Variants in TSC2 observed in about 807,000 individuals in gnomAD.
TSC2 encodes TSC complex subunit 2.
TSC2 carries 29 observed loss-of-function variants against 202.2 expected under a neutral mutation model. That is an observed-to-expected ratio of 0.14 (90% CI 0.11 to 0.20). TSC2 has a LOEUF of 0.20. TSC2 is among the 10% of genes least tolerant of loss of function. The pLI, the probability that TSC2 is intolerant of heterozygous loss-of-function variation, is 1.00. For synonymous variants in TSC2, 1,349 were observed against 1,044.0 expected (o/e 1.29, Z -5.63); for missense variants, 2,429 against 2,420.0 (o/e 1.00, Z -0.08).
Position 2,071,812 on chromosome 16 carries a change from A to T in TSC2, c.1975A>T (p.Thr659Ser), listed in dbSNP as rs1398495219. The T allele has an allele frequency of 6.3e-7, 1 of 1,594,796 alleles. No individual in the cohort carries two copies. The highest frequency in any genetic ancestry group is 2.3e-5 in the East Asian group (1 of 44,192). The change falls in exon 19 of 42, where the codon ACC (threonine) becomes TCC (serine). Residue 659 changes from threonine to serine, a missense_variant. Thr to Ser is a moderately conservative substitution (Grantham distance 58, BLOSUM62 1). Transcript: ENST00000219476. ...MEPERGSEKK[T>S]SGPLSPPTGP... ...GCCAGAGAGAGGCTCTGAGAAGAAG[A>T]CCAGCGGCCCCCTTTCTCCTCCCAC... is the stretch of plus-strand genomic sequence containing the variant.
rs544055911 is a variant in TSC2 at position 2,088,622 on chromosome 16, T to G, written c.*12T>G. ...CCGAGTTTGTGTGAGGCCGGGGCCC[T>G]CCCTCCTGCACTGGCCTTGGACGGT... On this transcript the variant is annotated 3_prime_UTR_variant, in exon 42 of 42. Transcript: ENST00000219476. 38 of 1,598,644 alleles carry G rather than the reference T, an allele frequency of 2.4e-5. No homozygotes were observed. In the African/African-American group the frequency reaches 2.9e-4, roughly 12 times the overall value.
intron 3 of TSC2, 105 bp from the exon 4 acceptor site, chr16:2,053,237 C>A: frequency 8.8e-7 from 1 of 1,133,160 alleles, no homozygotes; most frequent in Non-Finnish European, 1.3e-6. Context: ...CAGTCACAAG[C>A]CCCCGTTGTT....
In TSC2 at chr16:2,071,224, G is replaced by A. The variant is rs76994991; in HGVS notation, c.1840-286G>A. 1.3e-4 allele frequency among the ~76,000 whole-genome samples: 20 copies of A among 152,348 alleles called. No homozygotes were observed. The East Asian group carries it at 3.7e-3, about 28-fold the overall frequency. Reference sequence around the variant, plus strand: ...GTTGGGGGCGTGTGGTGCTGCCAGAGGAGCGAGGCGCCCATCCCTTCCATC... The same window carrying A: ...GTTGGGGGCGTGTGGTGCTGCCAGAAGAGCGAGGCGCCCATCCCTTCCATC... On this transcript the variant is annotated intron_variant, in intron 17 of 41. Transcript: ENST00000219476.
In TSC2 at chr16:2,088,710, G is replaced by GCAGT. The variant is rs1319785726; in HGVS notation, c.*104_*107dup. 38 of 1,447,866 alleles carry GCAGT rather than the reference G, an allele frequency of 2.6e-5. No homozygotes were observed. Among genetic ancestry groups the GCAGT allele is most frequent in the Non-Finnish European group, 3.3e-5 (35 of 1,075,664 alleles). The allele number at this position is 1,447,866 out of a possible 1,614,324, so 89.7% of individuals were successfully genotyped here. On this transcript the variant is annotated 3_prime_UTR_variant, in exon 42 of 42. Coordinates refer to ENST00000219476, the MANE Select transcript of TSC2 (RefSeq NM_000548.5). ...GTGCACAGACATAGAGGCACAGATT[G>GCAGT]CAGTCAGACAGCTCTTTTATTGACT...
At chr16:2,081,309 G>C in intron 30 of TSC2, 2 of 495,506 alleles carry the variant, frequency 4.0e-6, no homozygotes, top group Non-Finnish European at 3.7e-6. Flanking sequence ...GGTGCAAAGA[G>C]TAGGGGTTCC....
At position 2,081,644 on chromosome 16, in the gene TSC2, C is replaced by G; in HGVS notation, c.3660C>G (p.Ser1220=). 1 of 1,612,962 alleles carries G rather than the reference C, an allele frequency of 6.2e-7. No individual in the cohort carries two copies. Among genetic ancestry groups the G allele is most frequent in the African/African-American group, 1.3e-5 (1 of 75,070 alleles). ...MSLENPLSPF[S]SDINNMPLQE... is the part of the protein sequence containing the mutation. ...TGGAGAACCCGCTCAGCCCTTTCTC[C>G]TCGGACATCAACAACATGCCCCTGC... is the stretch of plus-strand genomic sequence containing the variant. The change falls in exon 31 of 42, where the codon TCC becomes TCG. Residue 1220 remains serine (S), a synonymous_variant. Transcript: ENST00000219476.
chr16:2,087,497 G>T lies in TSC2; in HGVS notation c.4990-366G>T, dbSNP rs1026519980. On this transcript the variant is annotated intron_variant, in intron 38 of 41. Coordinates refer to ENST00000219476, the MANE Select transcript of TSC2 (RefSeq NM_000548.5). ...CAAGACAACCAGTTGGGGGGGGGGGGGCACCTGGGCGGCTGAGGAGGGTGT... is the reference window on the plus strand; with the variant it reads ...CAAGACAACCAGTTGGGGGGGGGGGTGCACCTGGGCGGCTGAGGAGGGTGT... Among the ~76,000 whole-genome samples the T allele has an allele frequency of 2.0e-5, 3 of 147,386 alleles. No individual in the cohort carries two copies. In the South Asian group the frequency reaches 6.4e-4, roughly 31 times the overall value.
At position 2,062,488 on chromosome 16, in the gene TSC2, T is replaced by C. The variant is rs377188047; in HGVS notation, c.1258-9T>C. 6.2e-7 allele frequency: 1 copy of C among 1,606,214 alleles called. No homozygotes were observed. Among genetic ancestry groups the C allele is most frequent in the East Asian group, 2.2e-5 (1 of 44,794 alleles). ...GGCAGAGGGGCAACACCGGCTCTTC[T>C]TTTGACAGGAGTCCTCCCTCCTGAA... On this transcript the variant is annotated splice_polypyrimidine_tract_variant and intron_variant, in intron 12 of 41. Transcript: ENST00000219476.
intron 1 of TSC2, 63 bp from the exon 2 acceptor site, chr16:2,048,524 C>A (rs2084651376): frequency 5.0e-6 from 8 of 1,601,816 alleles, no homozygotes; most frequent in Non-Finnish European, 6.8e-6. Context: ...GCTGGAGGTC[C>A]GCAGTGGGGA....
rs137854074 is a variant in TSC2, at chr16:2,079,667, C to T, written c.3395C>T (p.Ser1132Leu). ...RGARDRVRSM[S>L]GGHGLRVGAL... ...GCCCGGGATCGGGTCCGTTCCATGT[C>T]GGGTGAGCCTTGGCCCCAGCCACCT... The change falls in exon 29 of 42, where the codon TCG becomes TTG. Residue 1132 changes from serine (S) to leucine (L), a missense_variant and splice_region_variant. Ser to Leu is a moderately radical substitution (Grantham distance 145, BLOSUM62 -2). Coordinates refer to ENST00000219476, the MANE Select transcript of TSC2 (RefSeq NM_000548.5). This position sits in a 1 kb window ranked among gnomAD's most constrained non-coding sequence, Gnocchi z 4.6. 1.3e-5 allele frequency: 21 copies of T among 1,587,764 alleles called. No homozygotes were observed. Among genetic ancestry groups the T allele is most frequent in the Middle Eastern group, 4.0e-4 (2 of 4,940 alleles).
Position 2,086,269 on chromosome 16 carries a change from G to A in TSC2, c.4739G>A (p.Arg1580Gln), listed in dbSNP as rs1371745883. ...RYTEFLTGLG[R>Q]LIELKDCQPD... ...ACGGAGTTCCTGACGGGCCTGGGCC[G>A]GCTCATCGAGCTGAAGGACTGCCAG... is the stretch of plus-strand genomic sequence containing the variant. Residue 1580 changes from arginine (R) to glutamine (Q), a missense_variant, in exon 37 of 42, where the codon CGG (arginine) becomes CAG (glutamine). Physicochemically the swap from Arg to Gln is conservative, Grantham distance 43. Coordinates refer to ENST00000219476, the MANE Select transcript of TSC2 (RefSeq NM_000548.5). 3.1e-6 allele frequency: 5 copies of A among 1,612,720 alleles called. No individual in the cohort carries two copies. The highest frequency in any genetic ancestry group is 4.2e-6 in the Non-Finnish European group (5 of 1,179,972).
chr16:2,065,684 G>T (rs780418515), intron 16 of TSC2, 49 bp downstream of exon 16: 3 of 1,499,286 alleles, frequency 2.0e-6, no homozygotes, highest in Admixed American at 3.3e-5. Context: ...CATGGCTAGC[G>T]TCCACCAGCT....
chr16:2,061,046 C>A, intron 11 of TSC2: 1 of 580,966 alleles, frequency 1.7e-6, no homozygotes, highest in Non-Finnish European at 3.0e-6. Context: ...GTAGGTGAGC[C>A]GGGGCTGGGC....
intron 23 of TSC2, 53 bp from the exon 24 acceptor site, chr16:2,076,005 CTTCATGCCCT>C: frequency 6.2e-7 from 1 of 1,613,130 alleles, no homozygotes; most frequent in East Asian, 2.2e-5. Context: ...GTTTTTTGCA[CTTCATGCCCT>C]GGGGATGTTT....
rs754451657 is a variant in TSC2 at position 2,074,302 on chromosome 16, A to C, written c.2458A>C (p.Ile820Leu). Residue 820 changes from isoleucine to leucine, a missense_variant, in exon 22 of 42, where the codon ATC (isoleucine) becomes CTC (leucine). Ile to Leu is a conservative substitution (Grantham distance 5, BLOSUM62 2). Coordinates refer to ENST00000219476, the MANE Select transcript of TSC2 (RefSeq NM_000548.5). ...ICSVEMPDII[I>L]KALPVLVVKL... ...CAGCGTGGAGATGCCTGACATCATCATCAAGGCGCTGCCTGTTCTGGTGGT... is the reference window on the plus strand; with the variant it reads ...CAGCGTGGAGATGCCTGACATCATCCTCAAGGCGCTGCCTGTTCTGGTGGT... The C allele has an allele frequency of 1.2e-6, 2 of 1,613,166 alleles. No individual in the cohort carries two copies. The highest frequency in any genetic ancestry group is 1.7e-5 in the Admixed American group (1 of 60,022).
In TSC2 at chr16:2,085,217, CTG is replaced by C. The variant is rs1236611728; in HGVS notation, c.4570-8_4570-7del. The C allele has an allele frequency of 1.9e-6, 3 of 1,612,560 alleles. No homozygotes were observed. Among genetic ancestry groups the C allele is most frequent in the Non-Finnish European group, 2.5e-6 (3 of 1,179,916 alleles). On this transcript the variant is annotated splice_polypyrimidine_tract_variant and intron_variant, in intron 35 of 41. Coordinates refer to ENST00000219476, the MANE Select transcript of TSC2 (RefSeq NM_000548.5). ...GGGCGTCTGGGGCTCAGGCAGGGCT[CTG>C]TGTGCCACAGTCACAGTCCTTTGAG...
intron 9 of TSC2, among the ~76,000 whole-genome samples, chr16:2,057,785 C>T (rs970671005): frequency 6.7e-6 from 1 of 150,034 alleles, no homozygotes; most frequent in East Asian, 2.0e-4. Flanking sequence ...AGCCCTGCAT[C>T]TCTCCCAGCC....
intron 16 of TSC2, 28 bp downstream of exon 16, chr16:2,065,663 C>T (rs371524563): frequency 1.3e-6 from 2 of 1,595,768 alleles, no homozygotes; most frequent in Non-Finnish European, 1.7e-6. Flanking sequence ...GGCCTCTGCT[C>T]CCGGGGCGCG....
chr16:2,068,859 A>G (rs2151252460), intron 16 of TSC2: 1 of 143,890 alleles, frequency 6.9e-6, no homozygotes, highest in Admixed American at 7.0e-5. Context: ...GGCGACAGAG[A>G]AAGACTCCGT....
Sources: allele counts gnomAD v4.1 joint callset (sites outside exome capture counted in the v4.1 genomes callset), GRCh38; gene constraint gnomAD v4.1.1; non-coding constraint Gnocchi (gnomAD v3.1); transcripts MANE v1.5; gene names NCBI Gene and HGNC (gene_info 2026-07-23, HGNC 2026-07-21).